The following ISCA1 variants were observed in gnomAD, a reference collection of about 807,000 sequenced individuals.
The protein encoded by ISCA1 is iron-sulfur cluster assembly 1.
Under a neutral mutation model 14.7 loss-of-function variants are expected in ISCA1, and 9 were observed. The observed-to-expected ratio is 0.61, with a 90% CI of 0.37 to 1.07. The LOEUF (loss-of-function observed/expected upper bound fraction) is 1.07. Among genes scored for constraint, ISCA1 ranks in the 50% least tolerant of loss-of-function variants. ISCA1 has a pLI of 0.01. For synonymous variants in ISCA1, 38 were observed against 54.3 expected (o/e 0.70, Z 1.32); for missense variants, 102 against 150.1 (o/e 0.68, Z 1.67).
rs969417941 is a variant in ISCA1, at chr9:86,274,188, C to T, written c.135+1G>A. 1.3e-6 allele frequency: 2 copies of T among 1,545,368 alleles called. No individual in the cohort carries two copies. The highest frequency in any genetic ancestry group is 1.8e-6 in the Non-Finnish European group (2 of 1,118,752). ...CTGAATAATTAACTGGTTTTACTTA[C>T]ATGCTCAGGCTTATCTTTAAGAAGT... is the stretch of plus-strand genomic sequence containing the variant. On this transcript the variant is annotated splice_donor_variant, in intron 2 of 3. Coordinates refer to ENST00000375991, the MANE Select transcript of ISCA1 (RefSeq NM_030940.4). LOFTEE classifies it high-confidence loss of function.
In ISCA1 at chr9:86,277,181, T is replaced by C. The variant is rs145961912; in HGVS notation, c.82-2939A>G. Among the ~76,000 whole-genome samples the C allele has an allele frequency of 4.6e-5, 7 of 152,308 alleles. No individual in the cohort carries two copies. In the East Asian group the frequency reaches 1.2e-3, roughly 25 times the overall value. ...AGTAAATGAAAGCAATTCGTGGGGA[T>C]TGGTCTACTTATCACCAAGTTGCTG... is the stretch of plus-strand genomic sequence containing the variant. On this transcript the variant is annotated intron_variant, in intron 1 of 3. Coordinates refer to ENST00000375991, the MANE Select transcript of ISCA1 (RefSeq NM_030940.4).
chr9:86,272,220 T>A, intron 2 of ISCA1, 108 bp from the exon 3 acceptor site: 1 of 729,138 alleles, frequency 1.4e-6, no homozygotes, highest in Non-Finnish European at 2.4e-6. Context: ...CTTTCTCTTA[T>A]TTTTTGTAGG....
intron 3 of ISCA1, chr9:86,267,129 G>T (rs1394999270): frequency 6.1e-6 from 1 of 163,902 alleles, no homozygotes; most frequent in Non-Finnish European, 1.3e-5. Context: ...GGAGGCTGAG[G>T]TGGGAGGACT....
At position 86,278,649 on chromosome 9, in the gene ISCA1, G is replaced by C. The variant is rs1000029020; in HGVS notation, c.81+3729C>G. Reference sequence around the variant, plus strand: ...CATGCCACTGCATATGAGCCTGGGTGACAGAGGAAGATCCTGTCTCTAAAA... The same window carrying C: ...CATGCCACTGCATATGAGCCTGGGTCACAGAGGAAGATCCTGTCTCTAAAA... On this transcript the variant is annotated intron_variant, in intron 1 of 3. Coordinates refer to ENST00000375991, the MANE Select transcript of ISCA1 (RefSeq NM_030940.4). Among the ~76,000 whole-genome samples, 58 of 152,292 alleles carry C rather than the reference G, an allele frequency of 3.8e-4. 1 individual carries two copies. The highest frequency in any genetic ancestry group is 3.7e-3 in the Admixed American group (56 of 15,296).
intron 1 of ISCA1, among the ~76,000 whole-genome samples, chr9:86,280,110 G>A (rs1476121390): frequency 1.3e-5 from 2 of 152,204 alleles, no homozygotes; most frequent in African/African-American, 2.4e-5. Context: ...AGTGTGGAGA[G>A]AGACCAAGCC....
At chr9:86,268,372 T>C (rs141070792) in intron 3 of ISCA1, among the ~76,000 whole-genome samples, 49 of 146,888 alleles carry the variant, frequency 3.3e-4, no homozygotes, top group African/African-American at 1.2e-3. Context: ...GAAAAGCTTA[T>C]AGAATAAGAA....
chr9:86,272,434 T>C (rs1019887486), intron 2 of ISCA1, among the ~76,000 whole-genome samples: 2 of 152,242 alleles, frequency 1.3e-5, no homozygotes, highest in Admixed American at 6.5e-5. Context: ...CCAGGGTTCA[T>C]AGTCCACCAT....
In ISCA1 at chr9:86,264,926, CAGAA is replaced by C. The variant is rs1825276539; in HGVS notation, c.*1113_*1116del. 6.6e-6 allele frequency: 1 copy of C among 152,094 alleles called. No individual in the cohort carries two copies. Among genetic ancestry groups the C allele is most frequent in the African/African-American group, 2.4e-5 (1 of 41,402 alleles). The allele number at this position is 152,094 out of a possible 1,614,324, so 9.4% of individuals were successfully genotyped here. On this transcript the variant is annotated 3_prime_UTR_variant, in exon 4 of 4. Coordinates refer to ENST00000375991, the MANE Select transcript of ISCA1 (RefSeq NM_030940.4). The stretch of plus-strand genomic sequence containing the variant: ...AACTTTAGCAACTGGACCGAGGAAC[CAGAA>C]AATGTATGCACACTGGGAATTTTAA...
At chr9:86,281,226 T>C (rs1050154300) in intron 1 of ISCA1, among the ~76,000 whole-genome samples, 2 of 152,144 alleles carry the variant, frequency 1.3e-5, no homozygotes, top group African/African-American at 2.4e-5. Flanking sequence ...TGATACATAA[T>C]CAGTACACTA....
chr9:86,268,127 C>A (rs1002243618), intron 3 of ISCA1, among the ~76,000 whole-genome samples: 2 of 151,668 alleles, frequency 1.3e-5, no homozygotes, highest in South Asian at 2.1e-4. Context: ...AAAAAGTTAA[C>A]CGTGAAACAG....
intron 1 of ISCA1, 59 bp downstream of exon 1, chr9:86,282,319 C>G (rs1246393241): frequency 1.3e-6 from 2 of 1,508,674 alleles, no homozygotes; most frequent in African/African-American, 1.4e-5. Flanking sequence ...GTGACCTCCC[C>G]TTGCACGGGG....
chr9:86,271,087 TATA>T (rs146653377), intron 3 of ISCA1, among the ~76,000 whole-genome samples: 16 of 151,044 alleles, frequency 1.1e-4, no homozygotes, highest in Admixed American at 3.3e-4. Context: ...AAACTTAAAG[TATA>T]ATAATAATAA....
intron 1 of ISCA1, among the ~76,000 whole-genome samples, chr9:86,278,185 G>C (rs1435354804): frequency 6.6e-6 from 1 of 151,914 alleles, no homozygotes; most frequent in Non-Finnish European, 1.5e-5. Flanking sequence ...AATTTTCTGG[G>C]GGAACAAAAG....
intron 1 of ISCA1, among the ~76,000 whole-genome samples, chr9:86,275,129 C>T (rs1225112039): frequency 1.3e-5 from 2 of 152,164 alleles, no homozygotes; most frequent in Non-Finnish European, 2.9e-5. Flanking sequence ...AGTTCCTCCT[C>T]CTCCTGATTC....
chr9:86,277,291 G>T (rs1825450754), intron 1 of ISCA1, among the ~76,000 whole-genome samples: 1 of 152,146 alleles, frequency 6.6e-6, no homozygotes, highest in Non-Finnish European at 1.5e-5. Flanking sequence ...TGCTGTTACA[G>T]GAACTAAAAT....
rs1246034816 is a variant in ISCA1, at chr9:86,264,664, C to T, written c.*1379G>A. 2.6e-5 allele frequency: 4 copies of T among 152,554 alleles called. No homozygotes were observed. The highest frequency in any genetic ancestry group is 5.9e-5 in the Non-Finnish European group (4 of 67,998). The allele number at this position is 152,554 out of a possible 1,614,324, so 9.5% of individuals were successfully genotyped here. ...TATATTATTGATACAAACTCATGAG[C>T]ATTTACATAAAACTACCGCTCTAGG... On this transcript the variant is annotated 3_prime_UTR_variant, in exon 4 of 4. Coordinates refer to ENST00000375991, the MANE Select transcript of ISCA1 (RefSeq NM_030940.4).
intron 2 of ISCA1, among the ~76,000 whole-genome samples, 158 bp from the exon 3 acceptor site, chr9:86,272,270 G>A (rs929860854): frequency 2.6e-5 from 4 of 152,284 alleles, no homozygotes; most frequent in African/African-American, 4.8e-5. Context: ...TCTCAAACTC[G>A]TGGACTCAAA....
chr9:86,269,402 C>T (rs1825336440), intron 3 of ISCA1, among the ~76,000 whole-genome samples: 1 of 152,248 alleles, frequency 6.6e-6, no homozygotes. Context: ...AGGACCTCTT[C>T]AAGGAGAACT....
At chr9:86,272,137 C>T in intron 2 of ISCA1, 25 bp from the exon 3 acceptor site, 3 of 1,438,466 alleles carry the variant, frequency 2.1e-6, no homozygotes, top group Non-Finnish European at 2.9e-6. Context: ...AAAATATAAA[C>T]TTGGTTTTAA....
Sources: gnomAD v4.1 joint callset for allele counts (sites outside exome capture counted in the v4.1 genomes callset) on GRCh38, gnomAD v4.1.1 for gene constraint, MANE v1.5 for transcripts, NCBI Gene and HGNC (gene_info 2026-07-23, HGNC 2026-07-21) for gene names.